The following GAREM1 variants were observed in gnomAD, a reference collection of about 807,000 sequenced individuals.
GAREM1 encodes GRB2 associated regulator of MAPK1 subtype 1, also known as GRB2-associated and regulator of MAPK protein 1.
Under a neutral mutation model 71.3 loss-of-function variants are expected in GAREM1, and 26 were observed. The observed-to-expected ratio is 0.36, with a 90% CI of 0.27 to 0.51. The LOEUF (loss-of-function observed/expected upper bound fraction) is 0.51, where lower values mean the gene tolerates loss of function less well. Among genes scored for constraint, GAREM1 ranks in the 20% least tolerant of loss-of-function variants. The pLI is 0.95. For synonymous variants in GAREM1, 440 were observed against 433.2 expected, an observed-to-expected ratio of 1.02 and a Z score of -0.20; for missense variants, 1,026 against 1,103.1, an observed-to-expected ratio of 0.93 and a Z score of 0.99.
intron 2 of GAREM1, among the ~76,000 whole-genome samples, chr18:32,356,494 T>C (rs2047806931): frequency 6.6e-6 from 1 of 152,236 alleles, no homozygotes. Context: ...AGGTTAATTA[T>C]TTATTATTCT....
rs181305967 is a variant in GAREM1 at position 32,327,919 on chromosome 18, G to C, written c.263-17596C>G. On this transcript the variant is annotated intron_variant, in intron 2 of 5. Coordinates refer to ENST00000269209, the MANE Select transcript of GAREM1 (RefSeq NM_001242409.2). ...GGGACTGTTACAGGGATTAAATGAGGCCATATAGGTACAATGCTCAACAAA... is the reference window on the plus strand; with the variant it reads ...GGGACTGTTACAGGGATTAAATGAGCCCATATAGGTACAATGCTCAACAAA... Among the ~76,000 whole-genome samples the C allele has an allele frequency of 5.6e-4, 85 of 152,206 alleles. No individual in the cohort carries two copies. The East Asian group carries it at 0.012, about 22-fold the overall frequency.
At chr18:32,332,543 G>A (rs1598967384) in intron 2 of GAREM1, among the ~76,000 whole-genome samples, 1 of 152,144 alleles carries the variant, frequency 6.6e-6, no homozygotes, top group African/African-American at 2.4e-5. Flanking sequence ...CTGAGGAACT[G>A]TAAGTGCAGC....
At chr18:32,361,843 C>T (rs905763566) in intron 2 of GAREM1, among the ~76,000 whole-genome samples, 1 of 152,102 alleles carries the variant, frequency 6.6e-6, no homozygotes, top group Non-Finnish European at 1.5e-5. Context: ...CCTTTGAATC[C>T]ATTCATTCAA....
chr18:32,320,512 T>C (rs1218952544), intron 2 of GAREM1, among the ~76,000 whole-genome samples: 1 of 152,020 alleles, frequency 6.6e-6, no homozygotes, highest in Admixed American at 6.6e-5. Context: ...CAAGTCTCAA[T>C]ACAAAGTCTC....
chr18:32,277,478 T>C (rs2041557939), intron 4 of GAREM1, among the ~76,000 whole-genome samples: 1 of 152,182 alleles, frequency 6.6e-6, no homozygotes, highest in African/African-American at 2.4e-5. Context: ...GCATATCATC[T>C]TAACAGTGAA....
At chr18:32,452,791 T>C (rs193037321) in intron 1 of GAREM1, among the ~76,000 whole-genome samples, 9 of 152,084 alleles carry the variant, frequency 5.9e-5, no homozygotes, top group African/African-American at 2.2e-4. Flanking sequence ...TACTGATGAA[T>C]GTTAGGGGAA....
At position 32,287,483 on chromosome 18, in the gene GAREM1, G is replaced by A; in HGVS notation, c.1114C>T (p.Leu372Phe). 2.5e-6 allele frequency: 4 copies of A among 1,614,230 alleles called. No individual in the cohort carries two copies. Among genetic ancestry groups the A allele is most frequent in the Non-Finnish European group, 3.4e-6 (4 of 1,180,030 alleles). ...CSGHNHVPNS[L>F]SYARDELTQS... Reference sequence around the variant, plus strand: ...GTGAGCTCATCGCGGGCGTAGCTGAGCGAATTGGGCACGTGGTTGTGGCCA... The same window carrying A: ...GTGAGCTCATCGCGGGCGTAGCTGAACGAATTGGGCACGTGGTTGTGGCCA... The change falls in exon 4 of 6, where the codon CTC (leucine) becomes TTC (phenylalanine). Residue 372 changes from leucine (L) to phenylalanine (F), a missense_variant. By Grantham distance (22) the Leu-to-Phe change is conservative. Transcript: ENST00000269209. This position sits in a 1 kb window ranked among gnomAD's most constrained non-coding sequence, Gnocchi z 5.9.
intron 1 of GAREM1, among the ~76,000 whole-genome samples, chr18:32,448,769 T>G (rs1009101386): frequency 6.6e-6 from 1 of 152,228 alleles, no homozygotes. Flanking sequence ...CTGTTATATG[T>G]CACCTTCCAC....
At chr18:32,445,859 CA>C (rs879702333) in intron 1 of GAREM1, among the ~76,000 whole-genome samples, 83 of 149,348 alleles carry the variant, frequency 5.6e-4, no homozygotes, top group South Asian at 1.7e-3. Flanking sequence ...ATTTTTCTGG[CA>C]AAAAAAAATA....
At chr18:32,426,728 G>A (rs915086824) in intron 1 of GAREM1, among the ~76,000 whole-genome samples, 1 of 152,108 alleles carries the variant, frequency 6.6e-6, no homozygotes, top group African/African-American at 2.4e-5. Context: ...CCTTCAGGAA[G>A]GTTACAAAAT....
intron 4 of GAREM1, among the ~76,000 whole-genome samples, chr18:32,282,082 T>TA (rs1174992749): frequency 6.6e-6 from 1 of 151,848 alleles, no homozygotes; most frequent in African/African-American, 2.4e-5. Flanking sequence ...CCAAATCCTA[T>TA]AAAACGGCCC....
intron 3 of GAREM1, among the ~76,000 whole-genome samples, chr18:32,304,384 G>C (rs1336572212): frequency 1.3e-5 from 2 of 152,038 alleles, no homozygotes; most frequent in Admixed American, 1.3e-4. Context: ...TCTGTGGTGG[G>C]AATTTTTTTA....
chr18:32,330,625 G>T (rs2047523382), intron 2 of GAREM1, among the ~76,000 whole-genome samples: 1 of 139,624 alleles, frequency 7.2e-6, no homozygotes, highest in African/African-American at 2.6e-5. Context: ...TAAAGTATTT[G>T]TATACAAACC....
At chr18:32,450,181 TC>T (rs2048822233) in intron 1 of GAREM1, among the ~76,000 whole-genome samples, 2 of 152,332 alleles carry the variant, frequency 1.3e-5, no homozygotes, top group African/African-American at 4.8e-5. Context: ...GCAATCAGTA[TC>T]AATCAACTTA....
chr18:32,360,564 G>C (rs527390673), intron 2 of GAREM1, among the ~76,000 whole-genome samples: 20 of 151,806 alleles, frequency 1.3e-4, no homozygotes, highest in African/African-American at 3.9e-4. Flanking sequence ...ATCTTTTTTG[G>C]GGGGGTGGGG....
chr18:32,273,475 G>A (rs1381353694), intron 4 of GAREM1, among the ~76,000 whole-genome samples: 1 of 152,206 alleles, frequency 6.6e-6, no homozygotes, highest in Non-Finnish European at 1.5e-5. Context: ...AGGTCACTTA[G>A]AGCTGGTTCT....
At chr18:32,402,173 A>G (rs2048321516) in intron 1 of GAREM1, among the ~76,000 whole-genome samples, 1 of 152,228 alleles carries the variant, frequency 6.6e-6, no homozygotes, top group Non-Finnish European at 1.5e-5. Flanking sequence ...ATGTACTAAA[A>G]TTTATATATT....
intron 1 of GAREM1, among the ~76,000 whole-genome samples, chr18:32,426,979 C>T (rs1162909811): frequency 6.6e-6 from 1 of 152,162 alleles, no homozygotes; most frequent in Non-Finnish European, 1.5e-5. Flanking sequence ...TGCACTTTTA[C>T]TTAAATTGCA....
Position 32,288,196 on chromosome 18 carries a change from G to A in GAREM1, c.401C>T (p.Ser134Leu). Reference sequence around the variant, plus strand: ...TTCAGTGTCTTCATTGCATTCACCTGAAGCAACCTACAATATAATAAATCA... The same window carrying A: ...TTCAGTGTCTTCATTGCATTCACCTAAAGCAACCTACAATATAATAAATCA... ...EDITFNVKVASGECNEDTEVY... is the reference protein window; with the variant it reads ...EDITFNVKVALGECNEDTEVY... Residue 134 changes from serine to leucine, a missense_variant, in exon 4 of 6, where the codon TCA becomes TTA. Physicochemically the swap from Ser to Leu is moderately radical, Grantham distance 145. Around this residue, in one of 3 missense-constraint regions of GAREM1, gnomAD observed 172 missense variants for 175.2 expected, o/e 0.98. Transcript: ENST00000269209. 2 of 1,597,780 alleles carry A rather than the reference G, an allele frequency of 1.3e-6. No individual in the cohort carries two copies. Among genetic ancestry groups the A allele is most frequent in the Non-Finnish European group, 1.7e-6 (2 of 1,171,914 alleles).
Sources: allele counts gnomAD v4.1 joint callset (sites outside exome capture counted in the v4.1 genomes callset), GRCh38; gene constraint gnomAD v4.1.1; regional missense constraint gnomAD v4.1.1; non-coding constraint Gnocchi (gnomAD v3.1); transcripts MANE v1.5; gene names NCBI Gene and HGNC (gene_info 2026-07-23, HGNC 2026-07-21).